COL4A4: variants seen among roughly 807,000 people sequenced by gnomAD.
The protein encoded by COL4A4 is collagen alpha-4(IV) chain.
A neutral mutation model predicts 192.9 loss-of-function variants in COL4A4; 105 were observed. That is an observed-to-expected ratio of 0.54 (90% CI 0.46 to 0.64). COL4A4 has a LOEUF of 0.64. Among genes scored for constraint, COL4A4 ranks in the 30% least tolerant of loss-of-function variants. The probability of loss-of-function intolerance (pLI) is 0.00; values close to 1 mark genes in which losing one functional copy is unlikely to be tolerated. For missense variants in COL4A4, 1,967 were observed against 2,169.3 expected (o/e 0.91, Z 1.85); for synonymous variants, 762 against 769.9 (o/e 0.99, Z 0.17).
At chr2:226,984,073 A>C in the COL4A4 span, among the ~76,000 whole-genome samples, 1 of 152,340 alleles carries the variant, frequency 6.6e-6, no homozygotes, top group African/African-American at 2.4e-5. Flanking sequence ...GCCACCACTT[A>C]GGACAGAGTC....
chr2:227,093,993 A>G (rs536930700), intron 20 of COL4A4, 132 bp downstream of exon 20: 4 of 821,828 alleles, frequency 4.9e-6, no homozygotes, highest in Non-Finnish European at 7.6e-6. Flanking sequence ...ATTTGTTTGT[A>G]AAAGACAACC....
intron 25 of COL4A4, among the ~76,000 whole-genome samples, chr2:227,073,370 C>T (rs1474422955): frequency 6.6e-6 from 1 of 151,898 alleles, no homozygotes; most frequent in African/African-American, 2.4e-5. Context: ...AAAAGGAGAA[C>T]TACAAAACAC....
rs550688793 is a variant in COL4A4 at position 227,123,584 on chromosome 2, C to T, written c.193-2436G>A. On this transcript the variant is annotated intron_variant, in intron 4 of 47. Coordinates refer to ENST00000396625, the MANE Select transcript of COL4A4 (RefSeq NM_000092.5). This position sits in a 1 kb window ranked among gnomAD's most constrained non-coding sequence, Gnocchi z 4.6. ...GGGAGCCCACATCTCAGTGTTATCC[C>T]GCCCTAGGGGAAGGGAGTGGGGGTA... 5.4e-4 allele frequency among the ~76,000 whole-genome samples: 82 copies of T among 152,290 alleles called. 1 individual carries two copies. The South Asian group carries it at 0.012, about 22-fold the overall frequency.
At chr2:227,030,928 G>GGATA (rs1267866926) in intron 40 of COL4A4, among the ~76,000 whole-genome samples, 1 of 144,540 alleles carries the variant, frequency 6.9e-6, no homozygotes, top group Non-Finnish European at 1.6e-5. Context: ...ATGGATGGAT[G>GGATA]GATGGATGGA....
intron 18 of COL4A4, 97 bp downstream of exon 18, chr2:227,099,523 G>A (rs1222601579): frequency 1.8e-6 from 2 of 1,095,310 alleles, no homozygotes; most frequent in African/African-American, 1.5e-5. Flanking sequence ...CCTGCCTAGT[G>A]TGCAAGCTAT....
intron 18 of COL4A4, 56 bp downstream of exon 18, chr2:227,099,564 G>T: frequency 1.3e-6 from 2 of 1,507,994 alleles, no homozygotes; most frequent in Non-Finnish European, 1.8e-6. Context: ...TTCTGTCCTG[G>T]CCACTCAACT....
chr2:227,151,264 T>G (rs2063924053), intron 1 of COL4A4, among the ~76,000 whole-genome samples: 3 of 152,194 alleles, frequency 2.0e-5, no homozygotes, highest in South Asian at 4.1e-4. Flanking sequence ...TTCTTAAAAT[T>G]TTTTCCAAAA....
At chr2:226,980,723 G>A in the COL4A4 span, among the ~76,000 whole-genome samples, 16 of 152,284 alleles carry the variant, frequency 1.1e-4, no homozygotes, top group East Asian at 3.1e-3. Context: ...AGTTCAGAGA[G>A]CAACATATTC....
At chr2:227,092,664 C>A (rs1027881402) in intron 20 of COL4A4, among the ~76,000 whole-genome samples, 2 of 152,104 alleles carry the variant, frequency 1.3e-5, no homozygotes, top group Non-Finnish European at 2.9e-5. Context: ...AGACAATTGA[C>A]AAGATGTTCT....
Position 227,033,405 on chromosome 2 carries a change from C to T in COL4A4, c.3577+5G>A. 13 of 1,611,586 alleles carry T rather than the reference C, an allele frequency of 8.1e-6. No individual in the cohort carries two copies. Among genetic ancestry groups the T allele is most frequent in the Non-Finnish European group, 8.5e-6 (10 of 1,178,408 alleles). On this transcript the variant is annotated splice_donor_5th_base_variant and intron_variant, in intron 38 of 47. Transcript: ENST00000396625. Reference sequence around the variant, plus strand: ...CAGTCTGTTACGAATCGATTAGGTGCTTACCTGAAGCACCTTTAGTTCCTT... The same window carrying T: ...CAGTCTGTTACGAATCGATTAGGTGTTTACCTGAAGCACCTTTAGTTCCTT...
Position 227,051,058 on chromosome 2 carries a change from T to C in COL4A4, c.3069A>G (p.Pro1023=). The C allele has an allele frequency of 6.2e-7, 1 of 1,614,216 alleles. No homozygotes were observed. The highest frequency in any genetic ancestry group is 8.5e-7 in the Non-Finnish European group (1 of 1,180,042). ...GAGGGCCTGGGGGTCCAGGAGGCCCTGGCTGACCTTTCTCACCAGGTTCCC... is the reference window on the plus strand; with the variant it reads ...GAGGGCCTGGGGGTCCAGGAGGCCCCGGCTGACCTTTCTCACCAGGTTCCC... The part of the protein sequence containing the change: ...HRGEPGEKGQ[P]GPPGPPGPPG... Residue 1023 remains proline (P), a synonymous_variant, in exon 33 of 48, where the codon CCA becomes CCG. Coordinates refer to ENST00000396625, the MANE Select transcript of COL4A4 (RefSeq NM_000092.5).
Position 227,057,615 on chromosome 2 carries a change from T to C in COL4A4, c.2384-15A>G. On this transcript the variant is annotated splice_polypyrimidine_tract_variant and intron_variant, in intron 28 of 47. Transcript: ENST00000396625. ...GCCAGCTGGCCCTGAAATGATACAA[T>C]ACATCCATGACATTCATGACAAAAA... 2 of 1,613,750 alleles carry C rather than the reference T, an allele frequency of 1.2e-6. No individual in the cohort carries two copies. Among genetic ancestry groups the C allele is most frequent in the Middle Eastern group, 1.6e-4 (1 of 6,062 alleles).
chr2:227,153,864 T>G (rs984848176), intron 1 of COL4A4, among the ~76,000 whole-genome samples: 5 of 152,178 alleles, frequency 3.3e-5, no homozygotes, highest in South Asian at 2.1e-4. Flanking sequence ...ATGATCAGCT[T>G]ACTCCTGAGA....
At chr2:226,968,858 T>A in the COL4A4 span, 1 of 152,202 alleles carries the variant, frequency 6.6e-6, no homozygotes, top group African/African-American at 2.4e-5. Context: ...CTCAATTTCC[T>A]CATCTGAGGA....
Position 227,056,797 on chromosome 2 carries a change from A to G in COL4A4, c.2545+642T>C, listed in dbSNP as rs557533106. On this transcript the variant is annotated intron_variant, in intron 29 of 47. Coordinates refer to ENST00000396625, the MANE Select transcript of COL4A4 (RefSeq NM_000092.5). ...ATGAATAAGATTGGTGACCTTATTA[A>G]AGAGGTGCAAAAGAGCTGTTTGCCC... 1.3e-4 allele frequency among the ~76,000 whole-genome samples: 20 copies of G among 152,344 alleles called. 1 individual carries two copies. In the East Asian group the frequency reaches 3.5e-3, roughly 26 times the overall value.
rs2061927765 is a variant in COL4A4, at chr2:227,123,646, G to A, written c.193-2498C>T. On this transcript the variant is annotated intron_variant, in intron 4 of 47. Coordinates refer to ENST00000396625, the MANE Select transcript of COL4A4 (RefSeq NM_000092.5). This position sits in a 1 kb window ranked among gnomAD's most constrained non-coding sequence, Gnocchi z 4.6. ...GGCTGAGGGCCCTGGTGATGGGTATGGAGTGCCTGCCAACTGTGCCTCCGG... is the reference window on the plus strand; with the variant it reads ...GGCTGAGGGCCCTGGTGATGGGTATAGAGTGCCTGCCAACTGTGCCTCCGG... 6.6e-6 allele frequency among the ~76,000 whole-genome samples: 1 copy of A among 152,198 alleles called. No homozygotes were observed.
At chr2:227,071,566 A>C (rs1015077579) in intron 25 of COL4A4, among the ~76,000 whole-genome samples, 3 of 152,176 alleles carry the variant, frequency 2.0e-5, no homozygotes, top group African/African-American at 7.2e-5. Context: ...AGACATTTAC[A>C]GAACATTCTA....
At position 227,041,805 on chromosome 2, in the gene COL4A4, GAAGAAAGAAAGA is replaced by G. The variant is rs202002799; in HGVS notation, c.3505+331_3505+342del. 5.6e-3 allele frequency among the ~76,000 whole-genome samples: 220 copies of G among 39,382 alleles called. 13 individuals are homozygous for G. The highest frequency in any genetic ancestry group is 0.013 in the Middle Eastern group (1 of 76). 25.8% of individuals were successfully genotyped at this position (39,382 alleles called of 152,430 possible). ...AAGGAAGGGAAAGAAAGAAAGAAAG[GAAGAAAGAAAGA>G]AAGAAAGAAAGAAAGAAAGAAAGAA... On this transcript the variant is annotated intron_variant, in intron 37 of 47. Transcript: ENST00000396625.
chr2:227,087,129 G>A lies in COL4A4; in HGVS notation c.1623+1524C>T, dbSNP rs1023024621. Among the ~76,000 whole-genome samples, 3 of 152,270 alleles carry A rather than the reference G, an allele frequency of 2.0e-5. No individual in the cohort carries two copies. The South Asian group carries it at 6.2e-4, about 32-fold the overall frequency. On this transcript the variant is annotated intron_variant, in intron 22 of 47. Coordinates refer to ENST00000396625, the MANE Select transcript of COL4A4 (RefSeq NM_000092.5). ...CCAGTCTCCAGGGGAGTACCCCAGT[G>A]GGCAGTGCTTGCATTATGAGCAATC...
Sources: allele counts gnomAD v4.1 joint callset (sites outside exome capture counted in the v4.1 genomes callset), GRCh38; gene constraint gnomAD v4.1.1; non-coding constraint Gnocchi (gnomAD v3.1); transcripts MANE v1.5; gene names NCBI Gene and HGNC (gene_info 2026-07-23, HGNC 2026-07-21).